Variants in FUT7 observed in about 807,000 individuals in gnomAD.
FUT7 encodes the protein fucosyltransferase 7, also known as alpha-(1,3)-fucosyltransferase 7.
Under a neutral mutation model 5.0 loss-of-function variants are expected in FUT7, and 2 were observed. That is an observed-to-expected ratio of 0.40 (90% confidence interval 0.16 to 1.26). The LOEUF (loss-of-function observed/expected upper bound fraction) is 1.26. FUT7 is among the 50% of genes most tolerant of loss of function. The probability of loss-of-function intolerance (pLI) is 0.32; values close to 1 mark genes in which losing one functional copy is unlikely to be tolerated. For missense variants in FUT7, 461 were observed against 489.8 expected (o/e 0.94, Z 0.55); for synonymous variants, 218 against 210.6 (o/e 1.03, Z -0.30).
In FUT7 at chr9:137,030,717, T is replaced by A. The variant is rs1162282383; in HGVS notation, c.1022A>T (p.Gln341Leu). The part of the protein sequence containing the change: ...QVYEDLEGWF[Q>L]A ...TCCCCCGGCCAGCGGATCTCAGGCC[T>A]GAAACCAACCCTCAAGGTCCTCATA... Residue 341 changes from glutamine to leucine, a missense_variant, in exon 2 of 2, where the codon CAG becomes CTG. By Grantham distance (113) the Gln-to-Leu change is moderately radical. Transcript: ENST00000314412. 6.2e-7 allele frequency: 1 copy of A among 1,612,734 alleles called. No individual in the cohort carries two copies. Among genetic ancestry groups the A allele is most frequent in the East Asian group, 2.2e-5 (1 of 44,876 alleles).
At position 137,030,766 on chromosome 9, in the gene FUT7, G is replaced by C; in HGVS notation, c.973C>G (p.Pro325Ala). ...TAGACTTGGCTGCGGGGTAGGTGTG[G>C]GTAGCGGTCACAGATGGCACAGAAA... is the stretch of plus-strand genomic sequence containing the variant. ...ERFCAICDRYPHLPRSQVYED... is the reference protein window; with the variant it reads ...ERFCAICDRYAHLPRSQVYED... The change falls in exon 2 of 2, where the codon CCA becomes GCA. Residue 325 changes from proline to alanine, a missense_variant. Coordinates refer to ENST00000314412, the MANE Select transcript of FUT7 (RefSeq NM_004479.4). The C allele has an allele frequency of 6.2e-7, 1 of 1,612,738 alleles. No homozygotes were observed. The highest frequency in any genetic ancestry group is 8.5e-7 in the Non-Finnish European group (1 of 1,179,962).
chr9:137,030,438 A>G lies in FUT7; in HGVS notation c.*272T>C, dbSNP rs1386931643. ...CCCTGCCTTTCACCCTCTTCCAGCC[A>G]GGCCTTCACCCACCCAAGATTTGTT... On this transcript the variant is annotated 3_prime_UTR_variant, in exon 2 of 2. Transcript: ENST00000314412. The G allele has an allele frequency of 5.9e-6, 3 of 512,130 alleles. No individual in the cohort carries two copies. The highest frequency in any genetic ancestry group is 2.1e-5 in the South Asian group (1 of 48,180). 31.7% of individuals were successfully genotyped at this position (512,130 alleles called of 1,614,324 possible). A position where few individuals can be genotyped will look rare whatever the true frequency, so the allele number is the denominator to read the frequency against.
Position 137,030,589 on chromosome 9 carries a change from C to G in FUT7, c.*121G>C. On this transcript the variant is annotated 3_prime_UTR_variant, in exon 2 of 2. Transcript: ENST00000314412. ...CCACCTGCACCCCCCACCCCTGCTT[C>G]CTGACCTCTGTGCCCAGCCTCCCGT... 1 of 1,217,740 alleles carries G rather than the reference C, an allele frequency of 8.2e-7. No homozygotes were observed. The highest frequency in any genetic ancestry group is 1.2e-6 in the Non-Finnish European group (1 of 852,950). The allele number at this position is 1,217,740 out of a possible 1,614,324, so 75.4% of individuals were successfully genotyped here. A position where few individuals can be genotyped will look rare whatever the true frequency, so the allele number is the denominator to read the frequency against.
Position 137,030,614 on chromosome 9 carries a change from T to G in FUT7, c.*96A>C. 2.7e-6 allele frequency: 4 copies of G among 1,457,276 alleles called. No homozygotes were observed. The highest frequency in any genetic ancestry group is 3.8e-6 in the Non-Finnish European group (4 of 1,058,874). 90.3% of individuals were successfully genotyped at this position (1,457,276 alleles called of 1,614,324 possible). Reference sequence around the variant, plus strand: ...CCTGACCTCTGTGCCCAGCCTCCCGTTAGCCCGCTGCTTGCCGGTAAGGGC... The same window carrying G: ...CCTGACCTCTGTGCCCAGCCTCCCGGTAGCCCGCTGCTTGCCGGTAAGGGC... On this transcript the variant is annotated 3_prime_UTR_variant, in exon 2 of 2. Transcript: ENST00000314412.
Position 137,031,158 on chromosome 9 carries a change from G to C in FUT7, c.581C>G (p.Ala194Gly). The change falls in exon 2 of 2, where the codon GCG becomes GGG. Residue 194 changes from alanine (A) to glycine (G), a missense_variant. Ala to Gly is a moderately conservative substitution (Grantham distance 60). Transcript: ENST00000314412. The part of the protein sequence containing the change: ...QLRARLYRQL[A>G]PHLRVDVFGR... Reference sequence around the variant, plus strand: ...AAAGACATCCACCCGCAGATGAGGCGCCAGCTGCCGGTACAGCCTGGCACG... The same window carrying C: ...AAAGACATCCACCCGCAGATGAGGCCCCAGCTGCCGGTACAGCCTGGCACG... 1.2e-6 allele frequency: 2 copies of C among 1,610,478 alleles called. No individual in the cohort carries two copies. The highest frequency in any genetic ancestry group is 1.7e-6 in the Non-Finnish European group (2 of 1,178,950).
rs200261090 is a variant in FUT7 at position 137,031,146 on chromosome 9, C to T, written c.593G>A (p.Arg198Gln). ...ATTGGCACGGCCAAAGACATCCACCCGCAGATGAGGCGCCAGCTGCCGGTA... is the reference window on the plus strand; with the variant it reads ...ATTGGCACGGCCAAAGACATCCACCTGCAGATGAGGCGCCAGCTGCCGGTA... ...RLYRQLAPHL[R>Q]VDVFGRANGR... Residue 198 changes from arginine to glutamine, a missense_variant, in exon 2 of 2, where the codon CGG becomes CAG. Arg to Gln is a conservative substitution (Grantham distance 43, BLOSUM62 1). Coordinates refer to ENST00000314412, the MANE Select transcript of FUT7 (RefSeq NM_004479.4). 96 of 1,612,142 alleles carry T rather than the reference C, an allele frequency of 6.0e-5. No homozygotes were observed. The highest frequency in any genetic ancestry group is 1.9e-4 in the African/African-American group (14 of 74,944).
In FUT7 at chr9:137,031,025, C is replaced by G. The variant is rs752189219; in HGVS notation, c.714G>C (p.Thr238=). The change falls in exon 2 of 2, where the codon ACG becomes ACC. Residue 238 remains threonine, a synonymous_variant. Coordinates refer to ENST00000314412, the MANE Select transcript of FUT7 (RefSeq NM_004479.4). ...FENSQHRDYI[T]EKFWRNALVA... ...CCAGTGCGTTGCGCCAGAATTTCTC[C>G]GTAATGTAGTCGCGGTGCTGAGAGT... 2 of 1,612,886 alleles carry G rather than the reference C, an allele frequency of 1.2e-6. No homozygotes were observed. Among genetic ancestry groups the G allele is most frequent in the Non-Finnish European group, 1.7e-6 (2 of 1,180,016 alleles).
Position 137,030,364 on chromosome 9 carries a change from G to A in FUT7, c.*346C>T. 1 of 344,024 alleles carries A rather than the reference G, an allele frequency of 2.9e-6. No homozygotes were observed. Among genetic ancestry groups the A allele is most frequent in the South Asian group, 2.9e-5 (1 of 34,986 alleles). The allele number at this position is 344,024 out of a possible 1,614,324, so 21.3% of individuals were successfully genotyped here. ...GCTACCGAGGAAGCTCGGGGTCCCA[G>A]GTTTGGCCCCCACAAACTTCAGGCT... is the stretch of plus-strand genomic sequence containing the variant. On this transcript the variant is annotated 3_prime_UTR_variant, in exon 2 of 2. Transcript: ENST00000314412.
At position 137,031,681 on chromosome 9, in the gene FUT7, C is replaced by T. The variant is rs751536991; in HGVS notation, c.58G>A (p.Gly20Arg). Residue 20 changes from glycine to arginine, a missense_variant, in exon 2 of 2, where the codon GGG becomes AGG. Gly to Arg is a moderately radical substitution (Grantham distance 125). Coordinates refer to ENST00000314412, the MANE Select transcript of FUT7 (RefSeq NM_004479.4). ...RRLRGLGVLA[G>R]VALLAALWLL... Reference sequence around the variant, plus strand: ...CAGAGGGCAGCGAGCAGAGCCACCCCGGCCAGGACCCCCAAGCCTCGCAGC... The same window carrying T: ...CAGAGGGCAGCGAGCAGAGCCACCCTGGCCAGGACCCCCAAGCCTCGCAGC... 16 of 1,550,228 alleles carry T rather than the reference C, an allele frequency of 1.0e-5. No individual in the cohort carries two copies. Among genetic ancestry groups the T allele is most frequent in the African/African-American group, 5.5e-5 (4 of 73,206 alleles).
At position 137,030,751 on chromosome 9, in the gene FUT7, T is replaced by G. The variant is rs1564238852; in HGVS notation, c.988A>C (p.Ser330Arg). 1 of 1,612,742 alleles carries G rather than the reference T, an allele frequency of 6.2e-7. No individual in the cohort carries two copies. The highest frequency in any genetic ancestry group is 1.1e-5 in the South Asian group (1 of 91,066). Residue 330 changes from serine (S) to arginine (R), a missense_variant, in exon 2 of 2, where the codon AGC (serine) becomes CGC (arginine). Transcript: ENST00000314412. ...CCCTCAAGGTCCTCATAGACTTGGC[T>G]GCGGGGTAGGTGTGGGTAGCGGTCA... is the stretch of plus-strand genomic sequence containing the variant. ...ICDRYPHLPRSQVYEDLEGWF... is the reference protein window; with the variant it reads ...ICDRYPHLPRRQVYEDLEGWF...
At position 137,030,630 on chromosome 9, in the gene FUT7, CGG is replaced by C. The variant is rs1453508871; in HGVS notation, c.*78_*79del. The C allele has an allele frequency of 1.9e-6, 3 of 1,541,312 alleles. No individual in the cohort carries two copies. The African/African-American group carries it at 4.1e-5, about 21-fold the overall frequency. ...AGCCTCCCGTTAGCCCGCTGCTTGC[CGG>C]TAAGGGCCGGATGCCTGGTGGTTTG... On this transcript the variant is annotated 3_prime_UTR_variant, in exon 2 of 2. Coordinates refer to ENST00000314412, the MANE Select transcript of FUT7 (RefSeq NM_004479.4).
At position 137,030,735 on chromosome 9, in the gene FUT7, TC is replaced by T. The variant is rs1831831260; in HGVS notation, c.1003del (p.Asp335ThrfsTer91). On this transcript the variant is annotated frameshift_variant, in exon 2 of 2. Coordinates refer to ENST00000314412, the MANE Select transcript of FUT7 (RefSeq NM_004479.4). LOFTEE classifies it high-confidence loss of function. Reference sequence around the variant, plus strand: ...TCAGGCCTGAAACCAACCCTCAAGGTCCTCATAGACTTGGCTGCGGGGTAGG... The same window carrying T: ...TCAGGCCTGAAACCAACCCTCAAGGTCTCATAGACTTGGCTGCGGGGTAGG... The part of the protein sequence containing the change: ...PHLPRSQVYE[D>X]LEGWFQA The T allele has an allele frequency of 6.2e-7, 1 of 1,612,556 alleles. No individual in the cohort carries two copies. The highest frequency in any genetic ancestry group is 1.3e-5 in the African/African-American group (1 of 74,880).
Position 137,030,849 on chromosome 9 carries a change from C to T in FUT7, c.890G>A (p.Arg297His), listed in dbSNP as rs372626589. Reference protein sequence around the residue: ...LTGMNESRYQRFFAWRDRLRV... With the variant: ...LTGMNESRYQHFFAWRDRLRV... ...GAGCCTGTCACGCCAGGCAAAGAAG[C>T]GTTGGTATCGGCTCTCATTCATGCC... Residue 297 changes from arginine (R) to histidine (H), a missense_variant, in exon 2 of 2, where the codon CGC (arginine) becomes CAC (histidine). Coordinates refer to ENST00000314412, the MANE Select transcript of FUT7 (RefSeq NM_004479.4). The T allele has an allele frequency of 2.1e-5, 34 of 1,612,800 alleles. No individual in the cohort carries two copies. The highest frequency in any genetic ancestry group is 2.7e-5 in the Non-Finnish European group (32 of 1,179,988).
chr9:137,032,085 G>C lies in FUT7; in HGVS notation c.-94C>G. Reference sequence around the variant, plus strand: ...CCCCTGAAATCACAGCTACGCCCTAGCTCAGCCCCGCCTGGAACTGTGCTC... The same window carrying C: ...CCCCTGAAATCACAGCTACGCCCTACCTCAGCCCCGCCTGGAACTGTGCTC... On this transcript the variant is annotated 5_prime_UTR_variant, in exon 1 of 2. Transcript: ENST00000314412. The C allele has an allele frequency of 1.5e-6, 2 of 1,322,650 alleles. No individual in the cohort carries two copies. The highest frequency in any genetic ancestry group is 1.1e-6 in the Non-Finnish European group (1 of 916,826). 81.9% of individuals were successfully genotyped at this position (1,322,650 alleles called of 1,614,324 possible). A position where few individuals can be genotyped will look rare whatever the true frequency, so the allele number is the denominator to read the frequency against.
chr9:137,030,766 G>A lies in FUT7; in HGVS notation c.973C>T (p.Pro325Ser), dbSNP rs376444713. The change falls in exon 2 of 2, where the codon CCA becomes TCA. Residue 325 changes from proline to serine, a missense_variant. Transcript: ENST00000314412. ...ERFCAICDRYPHLPRSQVYED... is the reference protein window; with the variant it reads ...ERFCAICDRYSHLPRSQVYED... ...TAGACTTGGCTGCGGGGTAGGTGTG[G>A]GTAGCGGTCACAGATGGCACAGAAA... is the stretch of plus-strand genomic sequence containing the variant. The A allele has an allele frequency of 2.2e-5, 36 of 1,612,738 alleles. No homozygotes were observed. In the East Asian group the frequency reaches 3.8e-4, roughly 17 times the overall value.
In FUT7 at chr9:137,030,858, C is replaced by T. The variant is rs369993212; in HGVS notation, c.881G>A (p.Arg294Gln). The change falls in exon 2 of 2, where the codon CGA becomes CAA. Residue 294 changes from arginine (R) to glutamine (Q), a missense_variant. Physicochemically the swap from Arg to Gln is conservative, Grantham distance 43. Coordinates refer to ENST00000314412, the MANE Select transcript of FUT7 (RefSeq NM_004479.4). ...ACGCCAGGCAAAGAAGCGTTGGTAT[C>T]GGCTCTCATTCATGCCAGTGAGGAA... ...AAFLTGMNES[R>Q]YQRFFAWRDR... is the part of the protein sequence containing the mutation. The T allele has an allele frequency of 1.7e-5, 28 of 1,612,798 alleles. 1 individual carries two copies. The highest frequency in any genetic ancestry group is 8.3e-5 in the Admixed American group (5 of 60,028).
chr9:137,031,545 C>T lies in FUT7; in HGVS notation c.194G>A (p.Ser65Asn). ...GATGCCGTAGCGGGTGCAGGTGTCG[C>T]TGGGCAGCTCTGGGGGCTGGTCAGT... is the stretch of plus-strand genomic sequence containing the variant. ...PFTDQPPELP[S>N]DTCTRYGIAR... The change falls in exon 2 of 2, where the codon AGC becomes AAC. Residue 65 changes from serine to asparagine, a missense_variant. Physicochemically the swap from Ser to Asn is conservative, Grantham distance 46. Coordinates refer to ENST00000314412, the MANE Select transcript of FUT7 (RefSeq NM_004479.4). The T allele has an allele frequency of 6.4e-7, 1 of 1,563,134 alleles. No homozygotes were observed. Among genetic ancestry groups the T allele is most frequent in the Non-Finnish European group, 8.7e-7 (1 of 1,155,102 alleles).
rs1310306743 is a variant in FUT7 at position 137,030,241 on chromosome 9, G to C, written c.*469C>G. The C allele has an allele frequency of 4.8e-6, 1 of 209,038 alleles. No individual in the cohort carries two copies. Among genetic ancestry groups the C allele is most frequent in the African/African-American group, 2.3e-5 (1 of 43,570 alleles). 12.9% of individuals were successfully genotyped at this position (209,038 alleles called of 1,614,324 possible). A position where few individuals can be genotyped will look rare whatever the true frequency, so the allele number is the denominator to read the frequency against. On this transcript the variant is annotated 3_prime_UTR_variant, in exon 2 of 2. Coordinates refer to ENST00000314412, the MANE Select transcript of FUT7 (RefSeq NM_004479.4). ...CCCAGAACAAGCTGGTTTGCTCCCCGTGGTCTCCTGGGCCCCGCCCCAGCC... is the reference window on the plus strand; with the variant it reads ...CCCAGAACAAGCTGGTTTGCTCCCCCTGGTCTCCTGGGCCCCGCCCCAGCC...
At position 137,031,507 on chromosome 9, in the gene FUT7, G is replaced by C. The variant is rs1038818289; in HGVS notation, c.232C>G (p.Leu78Val). The C allele has an allele frequency of 1.3e-6, 2 of 1,555,224 alleles. No homozygotes were observed. The highest frequency in any genetic ancestry group is 1.9e-5 in the Admixed American group (1 of 51,294). ...CTRYGIARCH[L>V]SANRSLLASA... Reference sequence around the variant, plus strand: ...GCCAGCAGGCTTCGGTTGGCACTCAGGTGGCAGCGGGCGATGCCGTAGCGG... The same window carrying C: ...GCCAGCAGGCTTCGGTTGGCACTCACGTGGCAGCGGGCGATGCCGTAGCGG... Residue 78 changes from leucine (L) to valine (V), a missense_variant, in exon 2 of 2, where the codon CTG becomes GTG. Leu to Val is a conservative substitution (Grantham distance 32). Transcript: ENST00000314412.
Sources: allele counts gnomAD v4.1 joint callset, GRCh38; gene constraint gnomAD v4.1.1; transcripts MANE v1.5; gene names NCBI Gene and HGNC (gene_info 2026-07-23, HGNC 2026-07-21).